Variants in CDIN1 observed in about 807,000 individuals in gnomAD.
CDIN1 encodes CDAN1 interacting nuclease 1.
A neutral mutation model predicts 45.3 loss-of-function variants in CDIN1; 33 were observed. That is an observed-to-expected ratio of 0.73 (90% CI 0.55 to 0.97). CDIN1 has a LOEUF of 0.97. Ranked by LOEUF, CDIN1 falls within the 50% of genes least tolerant of loss-of-function variation. The pLI is 0.00. For missense variants in CDIN1, 303 were observed against 339.4 expected (o/e 0.89, Z 0.84); for synonymous variants, 118 against 124.4 (o/e 0.95, Z 0.34).
intron 10 of CDIN1, among the ~76,000 whole-genome samples, chr15:36,779,523 C>T (rs1253801924): frequency 6.6e-6 from 1 of 152,186 alleles, no homozygotes; most frequent in Non-Finnish European, 1.5e-5. Flanking sequence ...GATTCCTGAG[C>T]CTGCCCCAGA....
chr15:36,613,243 C>T (rs753822296), intron 1 of CDIN1, among the ~76,000 whole-genome samples: 15 of 152,144 alleles, frequency 9.9e-5, no homozygotes, highest in Admixed American at 7.2e-4. Context: ...GTTTGGTATG[C>T]GGGTGTGGAT....
At chr15:36,619,128 C>A in intron 1 of CDIN1, 1 of 1,092,618 alleles carries the variant, frequency 9.2e-7, no homozygotes, top group Non-Finnish European at 1.4e-6. Context: ...ATTATTCTGG[C>A]TTCTGAGGCC....
intron 1 of CDIN1, among the ~76,000 whole-genome samples, chr15:36,582,915 T>G (rs1052324387): frequency 6.6e-6 from 1 of 152,256 alleles, no homozygotes; most frequent in Admixed American, 6.5e-5. Context: ...TTGTACCTTT[T>G]TCCAAATTTT....
At chr15:36,795,671 G>A (rs2054775637) in intron 10 of CDIN1, among the ~76,000 whole-genome samples, 1 of 151,798 alleles carries the variant, frequency 6.6e-6, no homozygotes, top group Admixed American at 6.6e-5. Context: ...GTCTCATGAA[G>A]CTGATCAGCT....
At chr15:36,776,078 A>G (rs1247404366) in intron 10 of CDIN1, among the ~76,000 whole-genome samples, 3 of 152,208 alleles carry the variant, frequency 2.0e-5, no homozygotes, top group Non-Finnish European at 4.4e-5. Flanking sequence ...TTTTTCAAAT[A>G]TGTGGTTTAA....
chr15:36,606,712 C>T (rs2038395307), intron 1 of CDIN1, among the ~76,000 whole-genome samples: 1 of 152,162 alleles, frequency 6.6e-6, no homozygotes, highest in Non-Finnish European at 1.5e-5. Context: ...TATACCTAAA[C>T]TTTATTTTAA....
chr15:36,716,387 G>T (rs910878078), intron 10 of CDIN1, among the ~76,000 whole-genome samples: 4 of 152,008 alleles, frequency 2.6e-5, no homozygotes, highest in Non-Finnish European at 4.4e-5. Context: ...ATCCAGAGAG[G>T]GTAAGGGAAA....
At chr15:36,677,236 GCATTCT>G (rs2041679627) in intron 5 of CDIN1, among the ~76,000 whole-genome samples, 1 of 152,100 alleles carries the variant, frequency 6.6e-6, no homozygotes, top group South Asian at 2.1e-4. Context: ...TGTGAACCAT[GCATTCT>G]CAAAGGGGGT....
chr15:36,630,860 C>CT (rs2140349085), intron 1 of CDIN1, among the ~76,000 whole-genome samples: 1 of 152,246 alleles, frequency 6.6e-6, no homozygotes, highest in African/African-American at 2.4e-5. Flanking sequence ...ATACCAGGCT[C>CT]TTTTTAACAA....
intron 1 of CDIN1, among the ~76,000 whole-genome samples, chr15:36,598,342 A>G (rs946836035): frequency 1.3e-5 from 2 of 151,296 alleles, no homozygotes; most frequent in Non-Finnish European, 2.9e-5. Flanking sequence ...CACTTTTACT[A>G]CATTTTAAAC....
At chr15:36,692,609 T>C (rs1426668617) in intron 7 of CDIN1, among the ~76,000 whole-genome samples, 1 of 152,194 alleles carries the variant, frequency 6.6e-6, no homozygotes, top group Non-Finnish European at 1.5e-5. Flanking sequence ...TTAAAATGCT[T>C]CCAGAGACAT....
At chr15:36,739,792 T>G (rs1449429216) in intron 10 of CDIN1, among the ~76,000 whole-genome samples, 1 of 152,234 alleles carries the variant, frequency 6.6e-6, no homozygotes, top group Non-Finnish European at 1.5e-5. Context: ...TACTGAAAAT[T>G]ATACAAAAAC....
At chr15:36,710,339 C>G (rs759170296) in intron 10 of CDIN1, among the ~76,000 whole-genome samples, 17 of 152,072 alleles carry the variant, frequency 1.1e-4, no homozygotes, top group Non-Finnish European at 2.2e-4. Context: ...ATCCTCAGCT[C>G]TCTGAGGAAA....
chr15:36,753,047 G>C (rs190900860), intron 10 of CDIN1, among the ~76,000 whole-genome samples: 9 of 152,256 alleles, frequency 5.9e-5, no homozygotes, highest in African/African-American at 1.9e-4. Flanking sequence ...TGGAATTTCA[G>C]CCTTAGCTGA....
chr15:36,808,516 C>T lies in CDIN1; in HGVS notation c.*63C>T. 1 of 1,588,044 alleles carries T rather than the reference C, an allele frequency of 6.3e-7. No homozygotes were observed. Among genetic ancestry groups the T allele is most frequent in the Non-Finnish European group, 8.6e-7 (1 of 1,166,446 alleles). On this transcript the variant is annotated 3_prime_UTR_variant, in exon 11 of 11. Transcript: ENST00000566621. ...TGAATCCGGAAGCAATTTTACTTTCCTGCACTGTAAGATCCTGGCAACATC... is the reference window on the plus strand; with the variant it reads ...TGAATCCGGAAGCAATTTTACTTTCTTGCACTGTAAGATCCTGGCAACATC...
At chr15:36,583,945 G>A (rs1036792227) in intron 1 of CDIN1, among the ~76,000 whole-genome samples, 7 of 152,138 alleles carry the variant, frequency 4.6e-5, no homozygotes, top group Non-Finnish European at 8.8e-5. Flanking sequence ...GAACCTGGGA[G>A]GCAGAGCTTG....
At chr15:36,764,824 A>G (rs749768632) in intron 10 of CDIN1, among the ~76,000 whole-genome samples, 6 of 152,130 alleles carry the variant, frequency 3.9e-5, no homozygotes, top group South Asian at 2.1e-4. Flanking sequence ...GTCCAGTGCA[A>G]CTTTTTAAGA....
chr15:36,619,112 G>T, intron 1 of CDIN1: 9 of 1,071,930 alleles, frequency 8.4e-6, no homozygotes, highest in South Asian at 1.5e-5. Context: ...GCAAGGGCTA[G>T]TAAGGATTAT....
At chr15:36,600,724 G>A (rs762569880) in intron 1 of CDIN1, among the ~76,000 whole-genome samples, 6 of 152,062 alleles carry the variant, frequency 3.9e-5, no homozygotes, top group East Asian at 1.9e-4. Flanking sequence ...GTGAAAATCC[G>A]TGGCCACATG....
Sources: allele counts gnomAD v4.1 joint callset (sites outside exome capture counted in the v4.1 genomes callset), GRCh38; gene constraint gnomAD v4.1.1; transcripts MANE v1.5; gene names NCBI Gene and HGNC (gene_info 2026-07-23, HGNC 2026-07-21).